SAMMSON: variants seen among roughly 807,000 people sequenced by gnomAD.
SAMMSON encodes survival associated mitochondrial melanoma specific oncogenic non-coding RNA, also known as long intergenic non-protein coding RNA 1212.
intron 4 of SAMMSON, among the ~76,000 whole-genome samples, chr3:70,164,163 T>G (rs2067627388): frequency 1.3e-5 from 2 of 152,176 alleles, no homozygotes; most frequent in Middle Eastern, 3.4e-3. Context: ...GGGAAACAAG[T>G]AGAAAGAATC....
At chr3:70,162,361 TTTC>T (rs2067618924) in intron 4 of SAMMSON, among the ~76,000 whole-genome samples, 1 of 151,952 alleles carries the variant, frequency 6.6e-6, no homozygotes, top group Non-Finnish European at 1.5e-5. Flanking sequence ...CTCAAAATAC[TTTC>T]TTATTTCCCT....
intron 6 of SAMMSON, among the ~76,000 whole-genome samples, chr3:70,275,625 T>C (rs952246856): frequency 3.3e-5 from 5 of 152,226 alleles, no homozygotes; most frequent in Middle Eastern, 3.2e-3. Flanking sequence ...CTCTGTGACC[T>C]GGGCAAGTCA....
At chr3:70,046,209 C>T (rs999727810) in intron 3 of SAMMSON, among the ~76,000 whole-genome samples, 6 of 151,926 alleles carry the variant, frequency 3.9e-5, no homozygotes, top group South Asian at 2.1e-4. Context: ...GTGGATGAAA[C>T]GATCTGAGTG....
At chr3:70,058,415 A>G (rs1352558317) in intron 3 of SAMMSON, among the ~76,000 whole-genome samples, 1 of 152,064 alleles carries the variant, frequency 6.6e-6, no homozygotes, top group Non-Finnish European at 1.5e-5. Context: ...CAGAATCACC[A>G]GATCTAACAA....
At chr3:70,419,127 C>T (rs1414426311) in intron 2 of SAMMSON, among the ~76,000 whole-genome samples, 5 of 151,918 alleles carry the variant, frequency 3.3e-5, no homozygotes, top group Admixed American at 6.6e-5. Flanking sequence ...TAGTGTTAAA[C>T]GACCTTCCCG....
chr3:70,277,050 G>T (rs922752803), intron 6 of SAMMSON, among the ~76,000 whole-genome samples: 2 of 151,900 alleles, frequency 1.3e-5, no homozygotes, highest in South Asian at 2.1e-4. Flanking sequence ...TACCAAATTT[G>T]AAATGAGTGA....
At chr3:70,090,341 T>C (rs187382342) in intron 4 of SAMMSON, among the ~76,000 whole-genome samples, 21 of 152,228 alleles carry the variant, frequency 1.4e-4, no homozygotes, top group Admixed American at 8.5e-4. Flanking sequence ...AGAAAATAGG[T>C]TAATTGGTTC....
At chr3:70,072,646 G>GAAAAAAAAAAAAAAAAAAA (rs35807309) in intron 4 of SAMMSON, 42 of 87,668 alleles carry the variant, frequency 4.8e-4, no homozygotes, top group Middle Eastern at 7.2e-3. Flanking sequence ...AACAGCAAAG[G>GAAAAAAAAAAAAAAAAAAA]AAAAAAAAAA....
At chr3:70,283,057 A>G (rs1202540778) in intron 6 of SAMMSON, among the ~76,000 whole-genome samples, 2 of 152,194 alleles carry the variant, frequency 1.3e-5, no homozygotes, top group Admixed American at 6.6e-5. Flanking sequence ...CTAGTGACTC[A>G]GGAACCTCAG....
chr3:70,426,393 C>T (rs1055368412), intron 2 of SAMMSON, among the ~76,000 whole-genome samples: 1 of 152,198 alleles, frequency 6.6e-6, no homozygotes, highest in Non-Finnish European at 1.5e-5. Context: ...GAACTATAAA[C>T]ACTAAATCAT....
intron 4 of SAMMSON, among the ~76,000 whole-genome samples, chr3:70,222,067 CA>C (rs1701465507): frequency 6.6e-6 from 1 of 152,062 alleles, no homozygotes; most frequent in South Asian, 2.1e-4. Flanking sequence ...CAATATTAAC[CA>C]TTGCCACACC....
chr3:70,289,879 C>G (rs201551328), intron 6 of SAMMSON, among the ~76,000 whole-genome samples: 1 of 151,776 alleles, frequency 6.6e-6, no homozygotes, highest in East Asian at 1.9e-4. Flanking sequence ...GCATTCTTCA[C>G]GTAGTTCTCG....
intron 2 of SAMMSON, among the ~76,000 whole-genome samples, chr3:70,414,586 G>A (rs1409970772): frequency 1.3e-5 from 2 of 152,098 alleles, no homozygotes; most frequent in East Asian, 1.9e-4. Flanking sequence ...AGTTATGAGA[G>A]AATCAAAATC....
At chr3:70,420,161 A>G (rs1015651661) in intron 2 of SAMMSON, among the ~76,000 whole-genome samples, 2 of 152,174 alleles carry the variant, frequency 1.3e-5, no homozygotes, top group Non-Finnish European at 2.9e-5. Context: ...ATAAACTGGT[A>G]ATAGAACTAT....
chr3:70,172,003 C>T (rs1700961347), intron 4 of SAMMSON, among the ~76,000 whole-genome samples: 1 of 151,864 alleles, frequency 6.6e-6, no homozygotes, highest in South Asian at 2.1e-4. Flanking sequence ...GTCATTTTGT[C>T]TCTGGAAAGT....
Position 70,024,258 on chromosome 3 carries a change from C to T in SAMMSON, n.417+10586C>T, listed in dbSNP as rs193108228. 8.5e-5 allele frequency among the ~76,000 whole-genome samples: 13 copies of T among 152,180 alleles called. 1 individual carries two copies. Among genetic ancestry groups the T allele is most frequent in the East Asian group, 1.9e-4 (1 of 5,184 alleles). On this transcript the variant is annotated intron_variant and non_coding_transcript_variant, in intron 3 of 9. Transcript: ENST00000642114. ...CCATTGCATGCTTTTCACTGATATACGATGATAAAAGCTTAATAGTTTCCT... is the reference window on the plus strand; with the variant it reads ...CCATTGCATGCTTTTCACTGATATATGATGATAAAAGCTTAATAGTTTCCT...
intron 4 of SAMMSON, among the ~76,000 whole-genome samples, chr3:70,073,035 C>T (rs1292134036): frequency 6.6e-6 from 1 of 151,924 alleles, no homozygotes; most frequent in Non-Finnish European, 1.5e-5. Context: ...AATTGTCTCA[C>T]AGAGAATTAT....
chr3:70,192,673 T>G (rs963768333), intron 4 of SAMMSON, among the ~76,000 whole-genome samples: 2 of 152,166 alleles, frequency 1.3e-5, no homozygotes, highest in African/African-American at 4.8e-5. Context: ...GATTTAGCAA[T>G]TAGAAATAAG....
At chr3:70,290,658 C>A (rs996527302) in intron 6 of SAMMSON, among the ~76,000 whole-genome samples, 10 of 152,220 alleles carry the variant, frequency 6.6e-5, no homozygotes, top group Non-Finnish European at 1.5e-4. Context: ...CCTCCCCTAG[C>A]CTCGCTGCCG....
Sources: allele counts gnomAD v4.1 joint callset (sites outside exome capture counted in the v4.1 genomes callset), GRCh38; gene constraint gnomAD v4.1.1; transcripts MANE v1.5; gene names NCBI Gene and HGNC (gene_info 2026-07-23, HGNC 2026-07-21).